Variants in MAGI3 observed in about 807,000 individuals in gnomAD.
MAGI3 encodes membrane associated guanylate kinase, WW and PDZ domain containing 3.
Under a neutral mutation model 121.8 loss-of-function variants are expected in MAGI3, and 43 were observed. That is an observed-to-expected ratio of 0.35 (90% CI 0.28 to 0.46). The LOEUF (loss-of-function observed/expected upper bound fraction) is 0.46, where lower values mean the gene tolerates loss of function less well. Ranked by LOEUF, MAGI3 falls within the 20% of genes least tolerant of loss-of-function variation. MAGI3 has a pLI of 1.00. For missense variants in MAGI3, 1,547 were observed against 1,797.3 expected, an observed-to-expected ratio of 0.86 and a Z score of 2.52; for synonymous variants, 553 against 639.3, an observed-to-expected ratio of 0.86 and a Z score of 2.04.
intron 2 of MAGI3, among the ~76,000 whole-genome samples, chr1:113,570,875 G>A (rs1178161164): frequency 3.9e-5 from 6 of 152,070 alleles, no homozygotes; most frequent in Non-Finnish European, 8.8e-5. Flanking sequence ...TTCTTTTGCT[G>A]TGCAGAAGCT....
chr1:113,637,636 G>A (rs1437052650), intron 9 of MAGI3, among the ~76,000 whole-genome samples: 3 of 152,098 alleles, frequency 2.0e-5, no homozygotes, highest in South Asian at 2.1e-4. Context: ...TGGGTAACCC[G>A]ACCTTTCTCT....
At chr1:113,640,939 TA>T (rs1290629862) in intron 9 of MAGI3, among the ~76,000 whole-genome samples, 2 of 136,632 alleles carry the variant, frequency 1.5e-5, no homozygotes, top group Non-Finnish European at 3.1e-5. Flanking sequence ...ATATCATATA[TA>T]TAAATATATA....
At chr1:113,600,098 A>G (rs909815682) in intron 6 of MAGI3, among the ~76,000 whole-genome samples, 4 of 152,206 alleles carry the variant, frequency 2.6e-5, no homozygotes, top group African/African-American at 4.8e-5. Flanking sequence ...ATCTATGACA[A>G]ACCCACAACC....
intron 1 of MAGI3, among the ~76,000 whole-genome samples, chr1:113,522,841 C>A (rs1429908320): frequency 6.6e-6 from 1 of 152,142 alleles, no homozygotes; most frequent in Non-Finnish European, 1.5e-5. Context: ...GATACTTCAG[C>A]ACATATCTAC....
At chr1:113,643,844 G>A in intron 11 of MAGI3, 70 bp downstream of exon 11, 1 of 1,443,670 alleles carries the variant, frequency 6.9e-7, no homozygotes, top group Non-Finnish European at 9.7e-7. Context: ...CCCTCTGTAA[G>A]AGGAGCTCAC....
chr1:113,646,445 G>A (rs3761934), intron 11 of MAGI3, 41 bp from the exon 12 acceptor site: 3 of 1,511,056 alleles, frequency 2.0e-6, no homozygotes, highest in Non-Finnish European at 2.7e-6. Context: ...TCAACCATCT[G>A]CTTTTTAAAA....
chr1:113,646,784 C>T (rs1468649081), intron 12 of MAGI3, 142 bp downstream of exon 12: 3 of 615,196 alleles, frequency 4.9e-6, no homozygotes, highest in Non-Finnish European at 7.6e-6. Context: ...GGACTTCTTC[C>T]ATGTATATTC....
chr1:113,450,087 A>G lies in MAGI3; in HGVS notation c.316+58738A>G. 3 of 1,499,944 alleles carry G rather than the reference A, an allele frequency of 2.0e-6. No homozygotes were observed. The East Asian group carries it at 6.8e-5, about 34-fold the overall frequency. 92.9% of individuals were successfully genotyped at this position (1,499,944 alleles called of 1,614,324 possible). On this transcript the variant is annotated intron_variant, in intron 1 of 20. Transcript: ENST00000307546. The stretch of plus-strand genomic sequence containing the variant: ...AGACTTCTTTGAAAAGTATGGCAAA[A>G]TTGAAACCATAGAAGTTACGGAAGA...
intron 1 of MAGI3, among the ~76,000 whole-genome samples, chr1:113,402,980 T>C (rs574289055): frequency 6.6e-5 from 10 of 152,302 alleles, no homozygotes; most frequent in African/African-American, 2.2e-4. Context: ...ACAGCATGAA[T>C]GTGGACATGA....
At chr1:113,449,195 A>T (rs1360949114) in intron 1 of MAGI3, among the ~76,000 whole-genome samples, 3 of 152,118 alleles carry the variant, frequency 2.0e-5, no homozygotes, top group Non-Finnish European at 4.4e-5. Flanking sequence ...GTTAATGAGG[A>T]CATAGATGCC....
At chr1:113,503,392 C>T (rs1348430793) in intron 1 of MAGI3, among the ~76,000 whole-genome samples, 2 of 143,856 alleles carry the variant, frequency 1.4e-5, no homozygotes, top group African/African-American at 2.6e-5. Context: ...TTTCTCAATA[C>T]TGTAAATATT....
At chr1:113,467,631 C>T (rs752897222) in intron 1 of MAGI3, among the ~76,000 whole-genome samples, 7 of 152,150 alleles carry the variant, frequency 4.6e-5, no homozygotes, top group Non-Finnish European at 8.8e-5. Context: ...CTCCTGGGTT[C>T]GAGTGATCCT....
At chr1:113,643,816 G>GT in intron 11 of MAGI3, 42 bp downstream of exon 11, 1 of 1,578,500 alleles carries the variant, frequency 6.3e-7, no homozygotes, top group Non-Finnish European at 8.7e-7. Context: ...CCAACACACT[G>GT]AGAGAGATGC....
chr1:113,546,752 C>G (rs1659551847), intron 1 of MAGI3, among the ~76,000 whole-genome samples: 1 of 151,952 alleles, frequency 6.6e-6, no homozygotes, highest in African/African-American at 2.4e-5. Flanking sequence ...CAATTCCAGC[C>G]TTGGCCTCTG....
intron 11 of MAGI3, among the ~76,000 whole-genome samples, chr1:113,645,647 A>T (rs1570992727): frequency 6.6e-6 from 1 of 152,170 alleles, no homozygotes; most frequent in Admixed American, 6.5e-5. Flanking sequence ...GGTCCCCTCT[A>T]GCACGACACT....
chr1:113,469,651 T>C (rs750993568), intron 1 of MAGI3, among the ~76,000 whole-genome samples: 25 of 152,088 alleles, frequency 1.6e-4, no homozygotes, highest in Non-Finnish European at 3.5e-4. Context: ...TTTGGGAAAA[T>C]GAAATGGTTA....
intron 1 of MAGI3, among the ~76,000 whole-genome samples, chr1:113,535,801 C>T (rs139766293): frequency 2.0e-5 from 3 of 152,226 alleles, no homozygotes; most frequent in Non-Finnish European, 2.9e-5. Flanking sequence ...CAGAGCTCTT[C>T]TCTGAATTCC....
chr1:113,558,992 C>A (rs1660106527), intron 2 of MAGI3, among the ~76,000 whole-genome samples: 2 of 152,126 alleles, frequency 1.3e-5, no homozygotes, highest in South Asian at 4.2e-4. Flanking sequence ...TACAGACAAG[C>A]AAATGCTAAG....
chr1:113,537,785 G>T (rs1032488705), intron 1 of MAGI3, among the ~76,000 whole-genome samples: 1 of 152,028 alleles, frequency 6.6e-6, no homozygotes, highest in Non-Finnish European at 1.5e-5. Flanking sequence ...TTGTAAAAGT[G>T]ACTTATATTG....
Sources: gnomAD v4.1 joint callset for allele counts (sites outside exome capture counted in the v4.1 genomes callset) on GRCh38, gnomAD v4.1.1 for gene constraint, MANE v1.5 for transcripts, NCBI Gene and HGNC (gene_info 2026-07-23, HGNC 2026-07-21) for gene names.